Variants in FYN observed in about 807,000 individuals in gnomAD.
FYN encodes the protein tyrosine-protein kinase Fyn.
FYN carries 10 observed loss-of-function variants against 70.2 expected under a neutral mutation model. The ratio of observed to expected loss-of-function variants is 0.14; its 90% confidence interval spans 0.09 to 0.24. The LOEUF (loss-of-function observed/expected upper bound fraction) is 0.24. Among genes scored for constraint, FYN ranks in the 10% least tolerant of loss-of-function variants. The pLI is 1.00. For missense variants in FYN, 319 were observed against 673.1 expected (o/e 0.47, Z 5.82); for synonymous variants, 236 against 248.6 (o/e 0.95, Z 0.48).
At chr6:111,693,782 T>C (rs1391274601) in intron 12 of FYN, among the ~76,000 whole-genome samples, 4 of 152,080 alleles carry the variant, frequency 2.6e-5, no homozygotes, top group Non-Finnish European at 5.9e-5. Flanking sequence ...CTACTTCTGG[T>C]TGGGTCTGGC....
At chr6:111,869,377 G>T (rs912029390) in intron 1 of FYN, among the ~76,000 whole-genome samples, 1 of 152,206 alleles carries the variant, frequency 6.6e-6, no homozygotes, top group Non-Finnish European at 1.5e-5. Flanking sequence ...CAATTAAGAG[G>T]GAGTGGGACT....
In FYN at chr6:111,682,902, G is replaced by A. The variant is rs537653522; in HGVS notation, c.1274-8272C>T. Among the ~76,000 whole-genome samples the A allele has an allele frequency of 2.0e-5, 3 of 152,314 alleles. No individual in the cohort carries two copies. The South Asian group carries it at 6.2e-4, about 32-fold the overall frequency. ...CCTGGTAATAGCTGAATAAATACCA[G>A]CTGTTATTTTATTCAGATAGTAAAG... On this transcript the variant is annotated intron_variant, in intron 12 of 13. Transcript: ENST00000354650.
chr6:111,795,173 T>C (rs1431681537), intron 2 of FYN, among the ~76,000 whole-genome samples: 1 of 149,338 alleles, frequency 6.7e-6, no homozygotes, highest in Non-Finnish European at 1.5e-5. Flanking sequence ...CTAGCACACA[T>C]CAGAATGTGA....
rs116301226 is a variant in FYN at position 111,861,326 on chromosome 6, G to A, written c.-123+11642C>T. 6.9e-3 allele frequency among the ~76,000 whole-genome samples: 1,047 copies of A among 152,266 alleles called. 9 individuals are homozygous for A. Among genetic ancestry groups the A allele is most frequent in the African/African-American group, 0.024 (980 of 41,558 alleles). ...GTACAAAAGAGGGTAGACATGAGCA[G>A]AATGAATAAATACATGAAGTGGTAA... On this transcript the variant is annotated intron_variant, in intron 1 of 13. Transcript: ENST00000354650.
intron 1 of FYN, among the ~76,000 whole-genome samples, chr6:111,871,028 CTT>C (rs901245009): frequency 2.0e-5 from 3 of 152,118 alleles, no homozygotes; most frequent in Non-Finnish European, 4.4e-5. Context: ...AATCATAACT[CTT>C]TTCTAATAAA....
chr6:111,846,802 C>T (rs1773542848), intron 1 of FYN, among the ~76,000 whole-genome samples, 173 bp from the exon 2 acceptor site: 1 of 152,142 alleles, frequency 6.6e-6, no homozygotes, highest in Non-Finnish European at 1.5e-5. Context: ...GCCACAAACA[C>T]CTGTCTGAAA....
intron 3 of FYN, among the ~76,000 whole-genome samples, chr6:111,740,482 G>C (rs1479597508): frequency 1.3e-5 from 2 of 152,190 alleles, no homozygotes; most frequent in African/African-American, 4.8e-5. Context: ...AAAACACGAG[G>C]TAGAAACATA....
At chr6:111,872,824 G>A (rs1425535181) in intron 1 of FYN, 144 bp downstream of exon 1, 1 of 151,638 alleles carries the variant, frequency 6.6e-6, no homozygotes, top group Non-Finnish European at 1.5e-5. Context: ...CCGACTCCCC[G>A]GCAGCCCCGC....
chr6:111,699,555 C>T, intron 9 of FYN: 2 of 1,614,206 alleles, frequency 1.2e-6, no homozygotes, highest in Non-Finnish European at 1.7e-6. Context: ...CCAGCTTCTT[C>T]TCCAGACACA....
intron 2 of FYN, among the ~76,000 whole-genome samples, chr6:111,821,696 C>G (rs1253840748): frequency 6.6e-6 from 1 of 152,070 alleles, no homozygotes; most frequent in Non-Finnish European, 1.5e-5. Flanking sequence ...AGTGAACGGG[C>G]AACCTACAGA....
intron 12 of FYN, among the ~76,000 whole-genome samples, chr6:111,686,134 A>G (rs1168349170): frequency 6.6e-6 from 1 of 152,066 alleles, no homozygotes; most frequent in East Asian, 1.9e-4. Context: ...TCTACAATTC[A>G]TCTCCATTTC....
At chr6:111,778,916 T>C (rs529485395) in intron 3 of FYN, among the ~76,000 whole-genome samples, 5 of 152,296 alleles carry the variant, frequency 3.3e-5, no homozygotes, top group South Asian at 2.1e-4. Flanking sequence ...CTTTCTATTA[T>C]ACAGTTCTGT....
chr6:111,854,403 G>A (rs754028841), intron 1 of FYN, among the ~76,000 whole-genome samples: 4 of 152,156 alleles, frequency 2.6e-5, no homozygotes, highest in Non-Finnish European at 5.9e-5. Flanking sequence ...AACTCCTTCC[G>A]GTCTTGATTG....
chr6:111,699,683 GAATT>G, intron 9 of FYN: 1 of 1,607,948 alleles, frequency 6.2e-7, no homozygotes, highest in Admixed American at 1.7e-5. Context: ...ACAGGAAAGG[GAATT>G]AATAAAGAAA....
chr6:111,766,118 T>C (rs1433792862), intron 3 of FYN, among the ~76,000 whole-genome samples: 4 of 152,216 alleles, frequency 2.6e-5, no homozygotes, highest in Non-Finnish European at 5.9e-5. Flanking sequence ...TAAGCACTTA[T>C]GAGTGTCAGG....
At chr6:111,677,965 C>T (rs1473285507) in intron 12 of FYN, among the ~76,000 whole-genome samples, 1 of 152,128 alleles carries the variant, frequency 6.6e-6, no homozygotes, top group African/African-American at 2.4e-5. Flanking sequence ...TCACTGATAT[C>T]TTGAGCTTCA....
chr6:111,726,660 T>G (rs1411542979), intron 3 of FYN, among the ~76,000 whole-genome samples: 1 of 151,922 alleles, frequency 6.6e-6, no homozygotes, highest in Non-Finnish European at 1.5e-5. Flanking sequence ...GAGGGAAAAA[T>G]CCTATAGGGA....
chr6:111,707,874 A>G, intron 6 of FYN, 48 bp downstream of exon 6: 1 of 1,422,070 alleles, frequency 7.0e-7, no homozygotes, highest in Non-Finnish European at 9.9e-7. Context: ...TATTGCGGCA[A>G]TCAACTTTTA....
chr6:111,872,516 G>GC (rs1774310155), intron 1 of FYN, among the ~76,000 whole-genome samples: 2 of 140,684 alleles, frequency 1.4e-5, no homozygotes, highest in Non-Finnish European at 3.1e-5. Flanking sequence ...GAGGGAGGAG[G>GC]CCGAGAGGTG....
Sources: gnomAD v4.1 joint callset for allele counts (sites outside exome capture counted in the v4.1 genomes callset) on GRCh38, gnomAD v4.1.1 for gene constraint, MANE v1.5 for transcripts, NCBI Gene and HGNC (gene_info 2026-07-23, HGNC 2026-07-21) for gene names.